The following PCCA variants were observed in gnomAD, a reference collection of about 807,000 sequenced individuals.
PCCA encodes the protein propionyl-CoA carboxylase alpha chain, mitochondrial.
In PCCA, 74 loss-of-function variants were observed where a neutral mutation model predicts 101.3. The observed-to-expected ratio is 0.73, with a 90% CI of 0.61 to 0.89. The LOEUF (loss-of-function observed/expected upper bound fraction) is 0.89, where lower values mean the gene tolerates loss of function less well. Ranked by LOEUF, PCCA falls within the 40% of genes least tolerant of loss-of-function variation. PCCA has a pLI of 0.00. For missense variants in PCCA, 891 were observed against 907.0 expected, an observed-to-expected ratio of 0.98 and a Z score of 0.23; for synonymous variants, 294 against 313.6, an observed-to-expected ratio of 0.94 and a Z score of 0.66.
intron 20 of PCCA, among the ~76,000 whole-genome samples, chr13:100,427,657 A>G (rs2079243645): frequency 6.6e-6 from 1 of 152,102 alleles, no homozygotes; most frequent in East Asian, 1.9e-4. Context: ...CGTTGCATCA[A>G]GTTAAGTACT....
At chr13:100,103,393 C>T (rs1271691103) in intron 2 of PCCA, among the ~76,000 whole-genome samples, 1 of 151,144 alleles carries the variant, frequency 6.6e-6, no homozygotes, top group African/African-American at 2.4e-5. Flanking sequence ...CTCACTGCAA[C>T]CTACGCCTCT....
chr13:100,181,139 A>G (rs1028407190), intron 6 of PCCA, among the ~76,000 whole-genome samples: 1 of 151,810 alleles, frequency 6.6e-6, no homozygotes, highest in African/African-American at 2.4e-5. Flanking sequence ...GACTTACAGA[A>G]TAAGGCAGAT....
chr13:100,258,975 A>G lies in PCCA; in HGVS notation c.716+1302A>G, dbSNP rs139249700. On this transcript the variant is annotated intron_variant, in intron 9 of 23. Coordinates refer to ENST00000376285, the MANE Select transcript of PCCA (RefSeq NM_000282.4). The stretch of plus-strand genomic sequence containing the variant: ...GCTCCTCATTTTAAGAAGTTGCTCT[A>G]TGTCCCTTATTTATTTGGGAAAGTC... Among the ~76,000 whole-genome samples, 164 of 152,314 alleles carry G rather than the reference A, an allele frequency of 1.1e-3. 2 individuals carry two copies. The highest frequency in any genetic ancestry group is 5.4e-3 in the Admixed American group (83 of 15,288).
At chr13:100,403,911 T>G (rs1305479124) in intron 19 of PCCA, among the ~76,000 whole-genome samples, 1 of 151,946 alleles carries the variant, frequency 6.6e-6, no homozygotes, top group Non-Finnish European at 1.5e-5. Context: ...AAGAACCCCC[T>G]CCCTCCCACC....
chr13:100,175,488 C>A (rs1231893706), intron 6 of PCCA, among the ~76,000 whole-genome samples: 2 of 152,168 alleles, frequency 1.3e-5, no homozygotes, highest in East Asian at 1.9e-4. Context: ...CAGCTAGCAT[C>A]TTTAATTGAT....
At chr13:100,429,285 C>T (rs187899458) in intron 20 of PCCA, among the ~76,000 whole-genome samples, 31 of 152,020 alleles carry the variant, frequency 2.0e-4, no homozygotes, top group Non-Finnish European at 7.4e-5. Context: ...TCCAGCTTAA[C>T]ACCTCCAAGC....
At position 100,264,196 on chromosome 13, in the gene PCCA, C is replaced by CAT. The variant is rs1555398890; in HGVS notation, c.819+1370_819+1371dup. ...TCGTATATATGTGATATCTGTATAT[C>CAT]ATATATGTGATATCTGTATCTCATA... On this transcript the variant is annotated intron_variant, in intron 10 of 23. Transcript: ENST00000376285. 1.4e-4 allele frequency among the ~76,000 whole-genome samples: 7 copies of CAT among 51,108 alleles called. 1 individual carries two copies. Among genetic ancestry groups the CAT allele is most frequent in the African/African-American group, 2.2e-4 (3 of 13,712 alleles). The allele number at this position is 51,108 out of a possible 152,430, so 33.5% of individuals were successfully genotyped here. A position where few individuals can be genotyped will look rare whatever the true frequency, so the allele number is the denominator to read the frequency against.
At chr13:100,231,772 A>G (rs995541580) in intron 7 of PCCA, among the ~76,000 whole-genome samples, 2 of 151,738 alleles carry the variant, frequency 1.3e-5, no homozygotes, top group Non-Finnish European at 2.9e-5. Flanking sequence ...AGGTCTTGCG[A>G]TGTTGCTTAA....
chr13:100,251,932 G>A (rs2061777166), intron 8 of PCCA, among the ~76,000 whole-genome samples: 1 of 152,136 alleles, frequency 6.6e-6, no homozygotes, highest in African/African-American at 2.4e-5. Context: ...TCATGGTCAT[G>A]AAGAACTCCC....
At chr13:100,307,742 G>A (rs2066566199) in intron 15 of PCCA, among the ~76,000 whole-genome samples, 1 of 152,116 alleles carries the variant, frequency 6.6e-6, no homozygotes, top group South Asian at 2.1e-4. Flanking sequence ...TTGCCCACCT[G>A]TCTTTTTGAA....
intron 4 of PCCA, among the ~76,000 whole-genome samples, chr13:100,127,952 G>A (rs879623539): frequency 7.9e-5 from 12 of 152,240 alleles, no homozygotes; most frequent in South Asian, 2.1e-4. Flanking sequence ...ATGTTCCAGT[G>A]TTTCTAAGGC....
At chr13:100,409,744 G>A (rs2077916517) in intron 19 of PCCA, among the ~76,000 whole-genome samples, 1 of 152,160 alleles carries the variant, frequency 6.6e-6, no homozygotes, top group Non-Finnish European at 1.5e-5. Flanking sequence ...GTCTTTTAGA[G>A]TTGGCCATTT....
chr13:100,251,676 A>G (rs2061761981), intron 8 of PCCA, among the ~76,000 whole-genome samples: 1 of 152,256 alleles, frequency 6.6e-6, no homozygotes, highest in Non-Finnish European at 1.5e-5. Context: ...TTATTTGCTA[A>G]GAAAAAATGG....
chr13:100,235,830 C>T lies in PCCA; in HGVS notation c.601-12C>T, dbSNP rs376700449. 2.5e-6 allele frequency: 4 copies of T among 1,599,866 alleles called. No homozygotes were observed. The highest frequency in any genetic ancestry group is 2.7e-5 in the African/African-American group (2 of 74,652). ...TGGGATTAATGTTGAGTCTCATTTC[C>T]TGCTTTTACAGGATGCAGAAGAAGC... On this transcript the variant is annotated splice_polypyrimidine_tract_variant and intron_variant, in intron 7 of 23. Coordinates refer to ENST00000376285, the MANE Select transcript of PCCA (RefSeq NM_000282.4).
chr13:100,181,451 G>A (rs2056771735), intron 6 of PCCA, among the ~76,000 whole-genome samples: 1 of 152,106 alleles, frequency 6.6e-6, no homozygotes, highest in South Asian at 2.1e-4. Context: ...GTGTTGCTCT[G>A]CCGCCTAGCC....
Position 100,449,159 on chromosome 13 carries a change from G to C in PCCA, c.1846-93G>C, listed in dbSNP as rs993565258. On this transcript the variant is annotated intron_variant, in intron 20 of 23. Coordinates refer to ENST00000376285, the MANE Select transcript of PCCA (RefSeq NM_000282.4). ...CTATATTTTGTTTACCCATCCATCA[G>C]TTGATGGACATTTGGGTTTTTTGGC... The C allele has an allele frequency of 5.7e-6, 4 of 706,614 alleles. No homozygotes were observed. In the African/African-American group the frequency reaches 7.2e-5, roughly 13 times the overall value. 43.8% of individuals were successfully genotyped at this position (706,614 alleles called of 1,614,324 possible). A position where few individuals can be genotyped will look rare whatever the true frequency, so the allele number is the denominator to read the frequency against.
At chr13:100,217,337 C>T (rs773668036) in intron 7 of PCCA, among the ~76,000 whole-genome samples, 5 of 147,656 alleles carry the variant, frequency 3.4e-5, no homozygotes, top group South Asian at 2.2e-4. Context: ...CCCAGCCACT[C>T]GGGAGGCTGA....
chr13:100,444,153 G>A (rs1397833644), intron 20 of PCCA, among the ~76,000 whole-genome samples: 4 of 151,342 alleles, frequency 2.6e-5, no homozygotes, highest in South Asian at 2.1e-4. Flanking sequence ...CCATGCCATC[G>A]TGCCATCCCT....
intron 8 of PCCA, among the ~76,000 whole-genome samples, chr13:100,242,692 C>A (rs993049299): frequency 5.9e-5 from 9 of 152,122 alleles, no homozygotes; most frequent in Admixed American, 5.2e-4. Flanking sequence ...AGCAATATCT[C>A]ATAAAGTGTT....
Sources: allele counts gnomAD v4.1 joint callset (sites outside exome capture counted in the v4.1 genomes callset), GRCh38; gene constraint gnomAD v4.1.1; transcripts MANE v1.5; gene names NCBI Gene and HGNC (gene_info 2026-07-23, HGNC 2026-07-21).